Variants in CREBBP observed in about 807,000 individuals in gnomAD.
CREBBP encodes CREB-binding protein.
CREBBP carries 19 observed loss-of-function variants against 265.0 expected under a neutral mutation model. The observed-to-expected ratio is 0.07, with a 90% CI of 0.05 to 0.11. CREBBP has a LOEUF of 0.11. CREBBP is among the 10% of genes least tolerant of loss of function. The probability of loss-of-function intolerance (pLI) is 1.00; values close to 1 mark genes in which losing one functional copy is unlikely to be tolerated. For missense variants in CREBBP, 2,525 were observed against 3,219.0 expected (o/e 0.78, Z 5.22); for synonymous variants, 1,457 against 1,223.7 (o/e 1.19, Z -3.98).
Position 3,731,128 on chromosome 16 carries a change from AG to A in CREBBP, c.5172+63del. On this transcript the variant is annotated intron_variant, in intron 30 of 30. Transcript: ENST00000262367. This position sits in a 1 kb window ranked among gnomAD's most constrained non-coding sequence, Gnocchi z 7.7. ...GACACCAACCCGGGCACCCATGCAA[AG>A]GGACAGGATGCTTCGTCAGACCCCA... 6.4e-7 allele frequency: 1 copy of A among 1,556,278 alleles called. No individual in the cohort carries two copies. The highest frequency in any genetic ancestry group is 8.7e-7 in the Non-Finnish European group (1 of 1,143,578).
rs2051801816 is a variant in CREBBP at position 3,728,279 on chromosome 16, G to A, written c.6768C>T (p.Leu2256=). 3 of 1,612,286 alleles carry A rather than the reference G, an allele frequency of 1.9e-6. No individual in the cohort carries two copies. Among genetic ancestry groups the A allele is most frequent in the Non-Finnish European group, 2.5e-6 (3 of 1,179,636 alleles). ...CCATCTGGCCCATGGAGCTGCCCTG[G>A]AGGGGGAGATGCTGCTGCATGCGCT... The part of the protein sequence containing the change: ...QQQRMQQHLP[L]QGSSMGQMAA... The change falls in exon 31 of 31, where the codon CTC becomes CTT. Residue 2256 remains leucine (L), a synonymous_variant. Coordinates refer to ENST00000262367, the MANE Select transcript of CREBBP (RefSeq NM_004380.3). The surrounding 1 kb of genome is among the most constrained non-coding windows in gnomAD (Gnocchi z 8.7).
chr16:3,827,467 C>T (rs1433244639), intron 2 of CREBBP, among the ~76,000 whole-genome samples: 1 of 152,186 alleles, frequency 6.6e-6, no homozygotes, highest in African/African-American at 2.4e-5. Context: ...TCTCGGCTCA[C>T]TGCAACCTCC....
At position 3,879,713 on chromosome 16, in the gene CREBBP, G is replaced by A. The variant is rs2055484029; in HGVS notation, c.85+119C>T. On this transcript the variant is annotated intron_variant, in intron 1 of 30. Coordinates refer to ENST00000262367, the MANE Select transcript of CREBBP (RefSeq NM_004380.3). The stretch of plus-strand genomic sequence containing the variant: ...GCGCGGGGCGAGGGGAACGGGCTGC[G>A]GGGCCTGCTCCGAGCTCCCGGCTCG... The A allele has an allele frequency of 6.5e-6, 7 of 1,084,166 alleles. No homozygotes were observed. The South Asian group carries it at 6.7e-5, about 10-fold the overall frequency. 67.2% of individuals were successfully genotyped at this position (1,084,166 alleles called of 1,614,324 possible). A position where few individuals can be genotyped will look rare whatever the true frequency, so the allele number is the denominator to read the frequency against.
chr16:3,878,956 A>G (rs1424210063), intron 1 of CREBBP, among the ~76,000 whole-genome samples: 1 of 150,860 alleles, frequency 6.6e-6, no homozygotes, highest in Non-Finnish European at 1.5e-5. Flanking sequence ...CGTTTAATGA[A>G]AGGAAACAAA....
chr16:3,817,324 C>T (rs1277099872), intron 2 of CREBBP, among the ~76,000 whole-genome samples: 1 of 152,140 alleles, frequency 6.6e-6, no homozygotes, highest in Non-Finnish European at 1.5e-5. Flanking sequence ...TGCCAACAGC[C>T]TCCTCTGTTT....
intron 1 of CREBBP, among the ~76,000 whole-genome samples, chr16:3,852,688 C>T (rs1257791941): frequency 6.6e-6 from 1 of 152,120 alleles, no homozygotes; most frequent in Non-Finnish European, 1.5e-5. Context: ...TGACTCCCGA[C>T]TATAAATGGA....
intron 1 of CREBBP, among the ~76,000 whole-genome samples, chr16:3,871,684 G>A (rs2055302722): frequency 6.6e-6 from 1 of 152,124 alleles, no homozygotes; most frequent in Non-Finnish European, 1.5e-5. Context: ...ATGTTTAGGT[G>A]GTGCAGTTTT....
rs952708870 is a variant in CREBBP at position 3,784,563 on chromosome 16, T to C, written c.1331-1637A>G. ...AGCACTATGGTATAGAAATCAAAGT[T>C]AACAGTGGTAGGATAGTTTATTTTT... On this transcript the variant is annotated intron_variant, in intron 5 of 30. Coordinates refer to ENST00000262367, the MANE Select transcript of CREBBP (RefSeq NM_004380.3). 7.9e-5 allele frequency: 12 copies of C among 152,340 alleles called. No homozygotes were observed. The East Asian group carries it at 1.7e-3, about 22-fold the overall frequency. 9.4% of individuals were successfully genotyped at this position (152,340 alleles called of 1,614,324 possible).
chr16:3,756,964 C>G (rs129994), intron 19 of CREBBP, among the ~76,000 whole-genome samples: 1 of 152,092 alleles, frequency 6.6e-6, no homozygotes, highest in Admixed American at 6.6e-5. Flanking sequence ...TGTAAAAGTA[C>G]GCTTTATAAC....
rs1434579203 is a variant in CREBBP, at chr16:3,731,860, G to A, written c.4806C>T (p.Arg1602=). Residue 1602 remains arginine (R), a synonymous_variant, in exon 29 of 31, where the codon CGC becomes CGT. Coordinates refer to ENST00000262367, the MANE Select transcript of CREBBP (RefSeq NM_004380.3). The surrounding 1 kb of genome is among the most constrained non-coding windows in gnomAD (Gnocchi z 7.7). The stretch of plus-strand genomic sequence containing the variant: ...GCATGCTGGGCTTCTTCTTGTTGGC[G>A]CGGCTGATGCTGCTTTTGTTCTTGT... The part of the protein sequence containing the change: ...KTNKNKSSIS[R]ANKKKPSMPN... The A allele has an allele frequency of 9.3e-6, 15 of 1,614,136 alleles. No homozygotes were observed. Among genetic ancestry groups the A allele is most frequent in the South Asian group, 2.2e-5 (2 of 91,086 alleles).
chr16:3,742,578 C>A (rs1303138854), intron 23 of CREBBP: 1 of 152,138 alleles, frequency 6.6e-6, no homozygotes, highest in Non-Finnish European at 1.5e-5. Context: ...CATAACTCAA[C>A]ACAATAAAAT....
intron 2 of CREBBP, among the ~76,000 whole-genome samples, chr16:3,849,450 T>A: frequency 1.5e-5 from 1 of 66,774 alleles, no homozygotes; most frequent in African/African-American, 4.4e-5. Context: ...TGTGTGTGTG[T>A]GTGTGTGTGT....
intron 2 of CREBBP, among the ~76,000 whole-genome samples, chr16:3,843,347 A>G (rs2054602068): frequency 2.0e-5 from 3 of 152,096 alleles, no homozygotes; most frequent in Admixed American, 2.0e-4. Flanking sequence ...CTAAATAAAA[A>G]CGATACTGAC....
chr16:3,842,056 G>A (rs985003001), intron 2 of CREBBP, among the ~76,000 whole-genome samples: 5 of 151,962 alleles, frequency 3.3e-5, no homozygotes, highest in Admixed American at 2.0e-4. Flanking sequence ...AATCAACCCC[G>A]GGGTTTTCTG....
intron 8 of CREBBP, among the ~76,000 whole-genome samples, chr16:3,780,017 G>A (rs527907455): frequency 3.3e-5 from 5 of 152,030 alleles, no homozygotes; most frequent in Non-Finnish European, 5.9e-5. Flanking sequence ...TGAGGTGGAC[G>A]GATCACTTGA....
At chr16:3,851,903 T>C (rs929718054) in intron 1 of CREBBP, among the ~76,000 whole-genome samples, 1 of 143,278 alleles carries the variant, frequency 7.0e-6, no homozygotes, top group Non-Finnish European at 1.5e-5. Context: ...CCGGGCATGG[T>C]GGCGGGCGCC....
At chr16:3,849,328 C>CTG (rs1438285633) in intron 2 of CREBBP, among the ~76,000 whole-genome samples, 1 of 150,638 alleles carries the variant, frequency 6.6e-6, no homozygotes, top group African/African-American at 2.5e-5. Context: ...AGCTGCAAGG[C>CTG]TGGTGGCTGC....
intron 2 of CREBBP, among the ~76,000 whole-genome samples, chr16:3,825,396 C>A (rs77683067): frequency 6.6e-6 from 1 of 152,282 alleles, no homozygotes; most frequent in Non-Finnish European, 1.5e-5. Flanking sequence ...GTGCCACATT[C>A]TTATCCAAAA....
intron 2 of CREBBP, among the ~76,000 whole-genome samples, chr16:3,843,103 T>A (rs1302617143): frequency 6.6e-6 from 1 of 152,028 alleles, no homozygotes; most frequent in Non-Finnish European, 1.5e-5. Flanking sequence ...TGAAAAGAAT[T>A]TTCTACTAAA....
Sources: gnomAD v4.1 joint callset for allele counts (sites outside exome capture counted in the v4.1 genomes callset) on GRCh38, gnomAD v4.1.1 for gene constraint, Gnocchi (gnomAD v3.1) non-coding constraint, MANE v1.5 for transcripts, NCBI Gene and HGNC (gene_info 2026-07-23, HGNC 2026-07-21) for gene names.